The following CPNE4 variants were observed in gnomAD, a reference collection of about 807,000 sequenced individuals.
The protein encoded by CPNE4 is copine-4.
A neutral mutation model predicts 67.9 loss-of-function variants in CPNE4; 25 were observed. That is an observed-to-expected ratio of 0.37 (90% CI 0.27 to 0.51). The LOEUF is 0.51. CPNE4 is among the 20% of genes least tolerant of loss of function. The probability of loss-of-function intolerance (pLI) is 0.93; values close to 1 mark genes in which losing one functional copy is unlikely to be tolerated. For missense variants in CPNE4, 464 were observed against 690.8 expected (o/e 0.67, Z 3.68); for synonymous variants, 242 against 244.9 (o/e 0.99, Z 0.11).
At chr3:131,738,999 T>C (rs2082301705) in intron 2 of CPNE4, among the ~76,000 whole-genome samples, 1 of 152,050 alleles carries the variant, frequency 6.6e-6, no homozygotes, top group Non-Finnish European at 1.5e-5. Context: ...GGATTACAGA[T>C]GCCTGCCACC....
At chr3:131,696,060 T>C (rs937358320) in intron 5 of CPNE4, among the ~76,000 whole-genome samples, 1 of 152,178 alleles carries the variant, frequency 6.6e-6, no homozygotes, top group Admixed American at 6.5e-5. Flanking sequence ...GATGAATGAA[T>C]GAACAAATTA....
chr3:131,957,325 T>A (rs965786562), intron 1 of CPNE4, among the ~76,000 whole-genome samples: 1 of 152,220 alleles, frequency 6.6e-6, no homozygotes, highest in Non-Finnish European at 1.5e-5. Flanking sequence ...AAGGGGATTT[T>A]GAAAAAGAAA....
intron 1 of CPNE4, among the ~76,000 whole-genome samples, chr3:132,014,672 T>G (rs2073851272): frequency 6.6e-6 from 1 of 152,230 alleles, no homozygotes; most frequent in African/African-American, 2.4e-5. Flanking sequence ...TAGTTTTAAT[T>G]GCATTCCATG....
At chr3:131,863,380 G>A (rs1291550584) in intron 2 of CPNE4, among the ~76,000 whole-genome samples, 11 of 152,110 alleles carry the variant, frequency 7.2e-5, no homozygotes, top group Non-Finnish European at 1.6e-4. Context: ...GTTGTTTCCT[G>A]ACTTTTTAAT....
chr3:131,724,179 C>T (rs114953311), intron 2 of CPNE4, among the ~76,000 whole-genome samples: 1,649 of 152,164 alleles, frequency 0.011, 18 homozygotes, highest in African/African-American at 0.038. Flanking sequence ...CTCTAAGTTT[C>T]CTAATCCATG....
intron 1 of CPNE4, among the ~76,000 whole-genome samples, chr3:132,031,515 G>C (rs1195997535): frequency 1.3e-5 from 2 of 152,092 alleles, no homozygotes; most frequent in East Asian, 3.9e-4. Flanking sequence ...TAGCCAAGTT[G>C]ATATCATCAG....
At chr3:131,667,489 T>C (rs924704398) in intron 7 of CPNE4, among the ~76,000 whole-genome samples, 12 of 151,796 alleles carry the variant, frequency 7.9e-5, no homozygotes, top group African/African-American at 2.9e-4. Context: ...GCTACTGGCA[T>C]CTAGTAGCTA....
In CPNE4 at chr3:131,887,367, C is replaced by T. The variant is rs190764990; in HGVS notation, c.180+17897G>A. Among the ~76,000 whole-genome samples, 372 of 152,296 alleles carry T rather than the reference C, an allele frequency of 2.4e-3. 3 individuals are homozygous for T. Among genetic ancestry groups the T allele is most frequent in the Non-Finnish European group, 4.1e-3 (281 of 68,026 alleles). On this transcript the variant is annotated intron_variant, in intron 2 of 15. Transcript: ENST00000429747. ...ACTGTAAGTCCAATTAAACCTCTTT[C>T]TTTTGTAAATTGCCCAGTCTCAGGT...
rs2081251238 is a variant in CPNE4 at position 131,699,925 on chromosome 3, C to T, written c.416G>A (p.Gly139Glu). The T allele has an allele frequency of 6.2e-7, 1 of 1,612,862 alleles. No homozygotes were observed. The highest frequency in any genetic ancestry group is 8.5e-7 in the Non-Finnish European group (1 of 1,179,354). The change falls in exon 4 of 16, where the codon GGG becomes GAG. Residue 139 changes from glycine to glutamate, a missense_variant. By Grantham distance (98) the Gly-to-Glu change is moderately conservative. Coordinates refer to ENST00000429747, the MANE Select transcript of CPNE4 (RefSeq NM_130808.3). ...CCTGCTTACCGTGATGGAAGATTTCCCTGCTGTGTTCCCATGCTTCAGCAA... is the reference window on the plus strand; with the variant it reads ...CCTGCTTACCGTGATGGAAGATTTCTCTGCTGTGTTCCCATGCTTCAGCAA... Reference protein sequence around the residue: ...KSLLKHGNTAGKSSITVIAEE... With the variant: ...KSLLKHGNTAEKSSITVIAEE...
In CPNE4 at chr3:132,034,696, G is replaced by A; in HGVS notation, c.-131C>T. 1.0e-6 allele frequency: 1 copy of A among 985,438 alleles called. No individual in the cohort carries two copies. The highest frequency in any genetic ancestry group is 1.2e-6 in the Non-Finnish European group (1 of 830,014). The allele number at this position is 985,438 out of a possible 1,614,324, so 61.0% of individuals were successfully genotyped here. A position where few individuals can be genotyped will look rare whatever the true frequency, so the allele number is the denominator to read the frequency against. ...TGGTAGTTTTGTACTGATGTAAGGGGCGTCGCACCTCCTTCCCCTCTCGTC... is the reference window on the plus strand; with the variant it reads ...TGGTAGTTTTGTACTGATGTAAGGGACGTCGCACCTCCTTCCCCTCTCGTC... On this transcript the variant is annotated 5_prime_UTR_variant, in exon 1 of 16. Transcript: ENST00000429747.
intron 2 of CPNE4, among the ~76,000 whole-genome samples, chr3:131,808,983 T>C (rs1490324053): frequency 6.6e-6 from 1 of 152,184 alleles, no homozygotes; most frequent in East Asian, 1.9e-4. Flanking sequence ...GTTTTTCTAA[T>C]GATACAGAAC....
At chr3:131,633,578 T>G (rs1357825951) in intron 7 of CPNE4, among the ~76,000 whole-genome samples, 1 of 148,470 alleles carries the variant, frequency 6.7e-6, no homozygotes. Context: ...AACTCATAAG[T>G]GAAGACATAA....
At chr3:131,843,986 A>G (rs1017116206) in intron 2 of CPNE4, among the ~76,000 whole-genome samples, 9 of 152,200 alleles carry the variant, frequency 5.9e-5, no homozygotes, top group African/African-American at 2.2e-4. Context: ...TAGAGCTGCT[A>G]GAAGATGTGG....
intron 11 of CPNE4, among the ~76,000 whole-genome samples, chr3:131,559,702 T>G (rs111984644): frequency 1.9e-4 from 29 of 152,100 alleles, no homozygotes; most frequent in African/African-American, 5.5e-4. Context: ...TAGGATAAAA[T>G]TTTGGAGGGA....
At chr3:131,658,985 C>A (rs2080052317) in intron 7 of CPNE4, among the ~76,000 whole-genome samples, 1 of 152,170 alleles carries the variant, frequency 6.6e-6, no homozygotes, top group Non-Finnish European at 1.5e-5. Context: ...GATGTCAATC[C>A]AGTTTGTGAA....
At chr3:131,611,239 C>T (rs1939823074) in intron 7 of CPNE4, among the ~76,000 whole-genome samples, 1 of 152,180 alleles carries the variant, frequency 6.6e-6, no homozygotes, top group Non-Finnish European at 1.5e-5. Flanking sequence ...AGTCCATGTT[C>T]ATCAATGCTG....
chr3:131,661,425 T>C (rs1224996517), intron 7 of CPNE4, among the ~76,000 whole-genome samples: 1 of 152,238 alleles, frequency 6.6e-6, no homozygotes. Flanking sequence ...GTAGTTTTTC[T>C]CTCAATTCAG....
chr3:131,879,613 C>T (rs970128513), intron 2 of CPNE4, among the ~76,000 whole-genome samples: 4 of 152,062 alleles, frequency 2.6e-5, no homozygotes. Context: ...TAATTCAAAG[C>T]CCATCGGCCC....
intron 2 of CPNE4, among the ~76,000 whole-genome samples, chr3:131,732,936 C>T (rs187676031): frequency 4.7e-4 from 72 of 152,282 alleles, no homozygotes; most frequent in Admixed American, 1.4e-3. Context: ...AGTGACAACA[C>T]CATATTTCCC....
Sources: allele counts gnomAD v4.1 joint callset (sites outside exome capture counted in the v4.1 genomes callset), GRCh38; gene constraint gnomAD v4.1.1; transcripts MANE v1.5; gene names NCBI Gene and HGNC (gene_info 2026-07-23, HGNC 2026-07-21).